Variants in NFYC observed in about 807,000 individuals in gnomAD.
The protein encoded by NFYC is CAAT box DNA-binding protein subunit C.
NFYC carries 25 observed loss-of-function variants against 53.1 expected under a neutral mutation model. The ratio of observed to expected loss-of-function variants is 0.47; its 90% confidence interval spans 0.34 to 0.66. NFYC has a LOEUF of 0.66. Ranked by LOEUF, NFYC falls within the 30% of genes least tolerant of loss-of-function variation. The probability of loss-of-function intolerance (pLI) is 0.01; values close to 1 mark genes in which losing one functional copy is unlikely to be tolerated. For missense variants in NFYC, 260 were observed against 422.7 expected (o/e 0.62, Z 3.38); for synonymous variants, 145 against 152.6 (o/e 0.95, Z 0.37).
chr1:40,767,106 A>G, intron 8 of NFYC: 1 of 855,478 alleles, frequency 1.2e-6, no homozygotes, highest in Non-Finnish European at 1.9e-6. Context: ...CTTAGATTTT[A>G]CCCCTACCTC....
chr1:40,751,856 G>A (rs1322009563), intron 4 of NFYC, among the ~76,000 whole-genome samples: 1 of 152,028 alleles, frequency 6.6e-6, no homozygotes, highest in East Asian at 1.9e-4. Flanking sequence ...ACACTATATT[G>A]TAGTCATCTT....
At chr1:40,754,434 C>T (rs1184629069) in intron 5 of NFYC, 6 of 533,808 alleles carry the variant, frequency 1.1e-5, no homozygotes, top group Middle Eastern at 7.9e-4. Flanking sequence ...ATGTTTACAG[C>T]GGCAGGCTGC....
At chr1:40,731,345 T>A (rs1358967717) in intron 1 of NFYC, among the ~76,000 whole-genome samples, 1 of 151,726 alleles carries the variant, frequency 6.6e-6, no homozygotes, top group East Asian at 1.9e-4. Context: ...TGGCTAATTT[T>A]TGTATTTTTA....
intron 6 of NFYC, among the ~76,000 whole-genome samples, chr1:40,762,123 C>T (rs1646580023): frequency 2.0e-5 from 3 of 152,172 alleles, no homozygotes; most frequent in African/African-American, 7.2e-5. Flanking sequence ...ACAGAATCTG[C>T]CAAGTCATAC....
rs1570440112 is a variant in NFYC, at chr1:40,724,110, C to G, written c.-8-14726C>G. ...AGGGGCTGGACATGGTGGCTCACGC[C>G]TGTAATCCCAGCGTTTTGGGAGGCC... On this transcript the variant is annotated intron_variant, in intron 1 of 9. Transcript: ENST00000447388. Among the ~76,000 whole-genome samples the G allele has an allele frequency of 2.6e-5, 4 of 152,182 alleles. No individual in the cohort carries two copies. In the South Asian group the frequency reaches 8.3e-4, roughly 31 times the overall value.
At chr1:40,756,959 G>T (rs1386473631) in intron 5 of NFYC, among the ~76,000 whole-genome samples, 1 of 152,242 alleles carries the variant, frequency 6.6e-6, no homozygotes, top group Non-Finnish European at 1.5e-5. Flanking sequence ...TGGAAGCACA[G>T]TTGAGGGCAC....
intron 1 of NFYC, among the ~76,000 whole-genome samples, chr1:40,734,203 C>A (rs1481992743): frequency 1.3e-5 from 2 of 152,240 alleles, no homozygotes; most frequent in Non-Finnish European, 2.9e-5. Context: ...TAAATACATT[C>A]TTTCCCTTAT....
chr1:40,726,054 C>T (rs1003200112), intron 1 of NFYC, among the ~76,000 whole-genome samples: 8 of 151,892 alleles, frequency 5.3e-5, no homozygotes, highest in Admixed American at 5.3e-4. Context: ...CTGACTGATT[C>T]GGGTGGTAGT....
chr1:40,749,060 T>C (rs570832387), intron 3 of NFYC, among the ~76,000 whole-genome samples: 1 of 152,324 alleles, frequency 6.6e-6, no homozygotes, highest in Admixed American at 6.5e-5. Flanking sequence ...CTTGAGCATT[T>C]CCTATATGCC....
In NFYC at chr1:40,735,743, A is replaced by G. The variant is rs189100628; in HGVS notation, c.-8-3093A>G. On this transcript the variant is annotated intron_variant, in intron 1 of 9. Transcript: ENST00000447388. Reference sequence around the variant, plus strand: ...ATGAGGCCTGTCCAGGGACCCATGCAATAAAAGGTTAGATTCTTTTAAAGC... The same window carrying G: ...ATGAGGCCTGTCCAGGGACCCATGCGATAAAAGGTTAGATTCTTTTAAAGC... The G allele has an allele frequency of 5.0e-4, 495 of 985,394 alleles. 1 individual carries two copies. Among genetic ancestry groups the G allele is most frequent in the Non-Finnish European group, 4.9e-4 (405 of 829,880 alleles). 61.0% of individuals were successfully genotyped at this position (985,394 alleles called of 1,614,324 possible).
At chr1:40,758,938 C>G (rs1360743805) in intron 6 of NFYC, among the ~76,000 whole-genome samples, 1 of 152,150 alleles carries the variant, frequency 6.6e-6, no homozygotes, top group Non-Finnish European at 1.5e-5. Context: ...GGGTAAAGTT[C>G]TGTGCTATGT....
chr1:40,763,454 C>A (rs981875239), intron 7 of NFYC: 2 of 452,544 alleles, frequency 4.4e-6, no homozygotes, highest in South Asian at 3.1e-5. Flanking sequence ...TCAAGCGATT[C>A]TCCTGCCTCA....
chr1:40,765,147 A>G (rs921132358), intron 7 of NFYC, among the ~76,000 whole-genome samples: 2 of 152,258 alleles, frequency 1.3e-5, no homozygotes, highest in Non-Finnish European at 1.5e-5. Flanking sequence ...GCAACTTAAC[A>G]TTGTTGCCAG....
intron 7 of NFYC, among the ~76,000 whole-genome samples, chr1:40,764,830 G>T (rs574012975): frequency 6.6e-6 from 1 of 152,284 alleles, no homozygotes; most frequent in Non-Finnish European, 1.5e-5. Context: ...AATGAGGGAC[G>T]GATCATCACC....
chr1:40,722,809 C>T (rs1019918025), intron 1 of NFYC, among the ~76,000 whole-genome samples: 2 of 152,166 alleles, frequency 1.3e-5, no homozygotes, highest in African/African-American at 4.8e-5. Context: ...GTATTTACCT[C>T]GTGCTTTAGT....
At chr1:40,737,710 G>A (rs1211439312) in intron 1 of NFYC, among the ~76,000 whole-genome samples, 1 of 152,070 alleles carries the variant, frequency 6.6e-6, no homozygotes, top group Non-Finnish European at 1.5e-5. Flanking sequence ...ACATGGTTAA[G>A]GTTAGGAAAG....
intron 2 of NFYC, among the ~76,000 whole-genome samples, chr1:40,742,096 G>T (rs116707452): frequency 1.3e-3 from 205 of 151,938 alleles, no homozygotes; most frequent in African/African-American, 4.9e-3. Context: ...CTTATGTAGA[G>T]ATGGAGGTCT....
At chr1:40,752,319 G>T (rs947453531) in intron 4 of NFYC, among the ~76,000 whole-genome samples, 1 of 152,026 alleles carries the variant, frequency 6.6e-6, no homozygotes, top group African/African-American at 2.4e-5. Flanking sequence ...ATTCACTAGC[G>T]TTCAGTGTTT....
chr1:40,724,060 C>T (rs1383048832), intron 1 of NFYC, among the ~76,000 whole-genome samples: 1 of 152,102 alleles, frequency 6.6e-6, no homozygotes, highest in East Asian at 1.9e-4. Flanking sequence ...TACTGTTTAG[C>T]ATGAACAGAC....
Sources: gnomAD v4.1 joint callset for allele counts (sites outside exome capture counted in the v4.1 genomes callset) on GRCh38, gnomAD v4.1.1 for gene constraint, MANE v1.5 for transcripts, NCBI Gene and HGNC (gene_info 2026-07-23, HGNC 2026-07-21) for gene names.